Variants in JAM3 observed in about 807,000 individuals in gnomAD.
JAM3 encodes junctional adhesion molecule 3, also known as junctional adhesion molecule C.
A neutral mutation model predicts 39.4 loss-of-function variants in JAM3; 31 were observed. That is an observed-to-expected ratio of 0.79 (90% CI 0.59 to 1.06). The LOEUF is 1.06. JAM3 is among the 50% of genes least tolerant of loss of function. The probability of loss-of-function intolerance (pLI) is 0.00; values close to 1 mark genes in which losing one functional copy is unlikely to be tolerated. For synonymous variants in JAM3, 182 were observed against 148.7 expected (o/e 1.22, Z -1.63); for missense variants, 455 against 391.4 (o/e 1.16, Z -1.37).
At chr11:134,146,700 T>C (rs1943078865) in intron 6 of JAM3, among the ~76,000 whole-genome samples, 1 of 152,136 alleles carries the variant, frequency 6.6e-6, no homozygotes, top group South Asian at 2.1e-4. Flanking sequence ...CCTGAGTAGC[T>C]GGAACAACAG....
chr11:134,132,300 T>G (rs1565500433), intron 1 of JAM3, among the ~76,000 whole-genome samples: 1 of 152,162 alleles, frequency 6.6e-6, no homozygotes, highest in Non-Finnish European at 1.5e-5. Flanking sequence ...AGAAAACAAT[T>G]GTAAAACACA....
intron 1 of JAM3, among the ~76,000 whole-genome samples, chr11:134,070,010 T>C (rs568723179): frequency 1.3e-5 from 2 of 152,314 alleles, no homozygotes; most frequent in East Asian, 3.9e-4. Context: ...TTCCCTCTGT[T>C]TGGAATTCTC....
rs576347088 is a variant in JAM3, at chr11:134,124,303, TCTC to T, written c.77-15546_77-15544del. 6.0e-4 allele frequency: 502 copies of T among 838,158 alleles called. 7 individuals carry two copies. In the South Asian group the frequency reaches 6.3e-3, roughly 11 times the overall value. The allele number at this position is 838,158 out of a possible 1,614,324, so 51.9% of individuals were successfully genotyped here. A position where few individuals can be genotyped will look rare whatever the true frequency, so the allele number is the denominator to read the frequency against. ...AGAAAACGCATGTTCTCACAGGAAA[TCTC>T]CACAGGGGCTGGACGGTTCATTATG... On this transcript the variant is annotated intron_variant, in intron 1 of 8. Coordinates refer to ENST00000299106, the MANE Select transcript of JAM3 (RefSeq NM_032801.5).
chr11:134,132,719 G>A (rs1362351922), intron 1 of JAM3, among the ~76,000 whole-genome samples: 2 of 152,122 alleles, frequency 1.3e-5, no homozygotes, highest in Non-Finnish European at 2.9e-5. Flanking sequence ...CAGGAGTATG[G>A]GGGGATTTTT....
rs1312531378 is a variant in JAM3 at position 134,151,065 on chromosome 11, G to T, written c.*1884G>T. 1 of 152,284 alleles carries T rather than the reference G, an allele frequency of 6.6e-6. No homozygotes were observed. The highest frequency in any genetic ancestry group is 1.5e-5 in the Non-Finnish European group (1 of 68,076). The allele number at this position is 152,284 out of a possible 1,614,324, so 9.4% of individuals were successfully genotyped here. On this transcript the variant is annotated 3_prime_UTR_variant, in exon 9 of 9. Transcript: ENST00000299106. ...ACATGCCCTGCCGTGCTGGACTCAG[G>T]ACTGAAGTGCTGTAAAGCAAGGAGC...
At chr11:134,119,916 A>G (rs1047422078) in intron 1 of JAM3, among the ~76,000 whole-genome samples, 16 of 152,214 alleles carry the variant, frequency 1.1e-4, no homozygotes, top group Admixed American at 1.0e-3. Flanking sequence ...GTCACAAAAT[A>G]TAACCAGGAC....
chr11:134,113,723 G>T (rs1942366134), intron 1 of JAM3, among the ~76,000 whole-genome samples: 1 of 152,228 alleles, frequency 6.6e-6, no homozygotes, highest in African/African-American at 2.4e-5. Flanking sequence ...TGGGATGGCT[G>T]GGTCAAAAGG....
chr11:134,140,659 G>T lies in JAM3; in HGVS notation c.145G>T (p.Val49Leu), dbSNP rs1942957443. The change falls in exon 3 of 9, where the codon GTG (valine) becomes TTG (leucine). Residue 49 changes from valine (V) to leucine (L), a missense_variant and splice_region_variant. Physicochemically the swap from Val to Leu is conservative, Grantham distance 32. Transcript: ENST00000299106. ...TCTTTTTCTTCTTTGCGTGTTAGGT[G>T]TGGAACTGTCTTGCATCATTACGGA... ...RTPVVQEFES[V>L]ELSCIITDSQ... 6.2e-7 allele frequency: 1 copy of T among 1,612,764 alleles called. No homozygotes were observed. The highest frequency in any genetic ancestry group is 1.3e-5 in the African/African-American group (1 of 74,822).
At chr11:134,139,372 T>A (rs561352512) in intron 1 of JAM3, among the ~76,000 whole-genome samples, 1 of 152,348 alleles carries the variant, frequency 6.6e-6, no homozygotes, top group Non-Finnish European at 1.5e-5. Context: ...CCTAGCTGGT[T>A]GATAACCATA....
In JAM3 at chr11:134,100,408, A is replaced by T. The variant is rs1253021662; in HGVS notation, c.76+31249A>T. Among the ~76,000 whole-genome samples, 5 of 152,324 alleles carry T rather than the reference A, an allele frequency of 3.3e-5. No homozygotes were observed. In the East Asian group the frequency reaches 9.6e-4, roughly 29 times the overall value. On this transcript the variant is annotated intron_variant, in intron 1 of 8. Transcript: ENST00000299106. The stretch of plus-strand genomic sequence containing the variant: ...GGGCTTTTCAAACTCGCTTGCATTG[A>T]TGGCCCAGATGGTGAGGAAAATCCC...
chr11:134,140,004 G>T, intron 2 of JAM3, 88 bp downstream of exon 2: 1 of 1,049,086 alleles, frequency 9.5e-7, no homozygotes, highest in Non-Finnish European at 1.5e-6. Context: ...ATCTGTCTCT[G>T]TAAGTGTGCC....
intron 1 of JAM3, among the ~76,000 whole-genome samples, chr11:134,080,218 A>C (rs1941641875): frequency 6.6e-6 from 1 of 152,246 alleles, no homozygotes; most frequent in Non-Finnish European, 1.5e-5. Flanking sequence ...CTTTGCTGTG[A>C]ATCACTAAAG....
Position 134,149,384 on chromosome 11 carries a change from T to G in JAM3, c.*203T>G. ...AGAATTTTCCTCAAGATGGACCCGG[T>G]AAATATAACCACAAGGAAGCGAAAC... is the stretch of plus-strand genomic sequence containing the variant. On this transcript the variant is annotated 3_prime_UTR_variant, in exon 9 of 9. Transcript: ENST00000299106. The G allele has an allele frequency of 1.5e-6, 1 of 648,736 alleles. No homozygotes were observed. The highest frequency in any genetic ancestry group is 2.7e-5 in the East Asian group (1 of 36,564). The allele number at this position is 648,736 out of a possible 1,614,324, so 40.2% of individuals were successfully genotyped here.
intron 1 of JAM3, among the ~76,000 whole-genome samples, chr11:134,127,018 A>G (rs1468500255): frequency 1.3e-5 from 2 of 152,256 alleles, no homozygotes; most frequent in East Asian, 1.9e-4. Flanking sequence ...TTATCAAACT[A>G]TTATCTCTTG....
At chr11:134,140,285 CTGA>C (rs1942950468) in intron 2 of JAM3, among the ~76,000 whole-genome samples, 2 of 152,302 alleles carry the variant, frequency 1.3e-5, no homozygotes, top group South Asian at 4.1e-4. Context: ...CCACACCCAG[CTGA>C]TTTTTGTACG....
chr11:134,120,481 A>ATTT (rs1565495798), intron 1 of JAM3, among the ~76,000 whole-genome samples: 2 of 152,244 alleles, frequency 1.3e-5, no homozygotes, highest in Non-Finnish European at 2.9e-5. Context: ...AATGAGTATA[A>ATTT]ACCCAAATTA....
chr11:134,069,461 C>T (rs969444740), intron 1 of JAM3, among the ~76,000 whole-genome samples: 1 of 143,140 alleles, frequency 7.0e-6, no homozygotes, highest in African/African-American at 2.5e-5. Flanking sequence ...ACCCCGGGGG[C>T]GGGCTCTTCT....
chr11:134,131,806 A>T (rs1312016935), intron 1 of JAM3, among the ~76,000 whole-genome samples: 2 of 152,334 alleles, frequency 1.3e-5, no homozygotes, highest in South Asian at 4.1e-4. Flanking sequence ...GAAATGAAAA[A>T]TTTACTAGAG....
intron 1 of JAM3, among the ~76,000 whole-genome samples, chr11:134,111,006 C>T (rs887989697): frequency 3.3e-5 from 5 of 152,118 alleles, no homozygotes; most frequent in East Asian, 1.9e-4. Flanking sequence ...TTCTCTCTCT[C>T]CCTCTGTGAG....
Sources: gnomAD v4.1 joint callset for allele counts (sites outside exome capture counted in the v4.1 genomes callset) on GRCh38, gnomAD v4.1.1 for gene constraint, MANE v1.5 for transcripts, NCBI Gene and HGNC (gene_info 2026-07-23, HGNC 2026-07-21) for gene names.